Variants in KCNMA1 observed in about 807,000 individuals in gnomAD.
The protein encoded by KCNMA1 is potassium calcium-activated channel subfamily M alpha 1.
A neutral mutation model predicts 140.0 loss-of-function variants in KCNMA1; 29 were observed. The observed-to-expected ratio is 0.21, with a 90% CI of 0.15 to 0.28. The LOEUF (loss-of-function observed/expected upper bound fraction) is 0.28, where lower values mean the gene tolerates loss of function less well. Ranked by LOEUF, KCNMA1 falls within the 10% of genes least tolerant of loss-of-function variation. The pLI, the probability that KCNMA1 is intolerant of heterozygous loss-of-function variation, is 1.00. For missense variants in KCNMA1, 880 were observed against 1,602.2 expected (o/e 0.55, Z 7.70); for synonymous variants, 612 against 611.9 (o/e 1.00, Z 0.00).
At chr10:77,511,088 A>T (rs1306278260) in intron 1 of KCNMA1, among the ~76,000 whole-genome samples, 1 of 152,244 alleles carries the variant, frequency 6.6e-6, no homozygotes, top group Non-Finnish European at 1.5e-5. Context: ...GCTGCAGATC[A>T]GCAGTCTCAA....
intron 1 of KCNMA1, among the ~76,000 whole-genome samples, chr10:77,471,895 G>A (rs2098165025): frequency 6.7e-6 from 1 of 149,028 alleles, no homozygotes; most frequent in East Asian, 2.0e-4. Context: ...AAACATACAA[G>A]TGGTATACAC....
chr10:76,949,237 G>A lies in KCNMA1; in HGVS notation c.2614C>T (p.His872Tyr), dbSNP rs1303025586. ...ACAAACACAATGTGCTTGAGCTCAT[G>A]GTAATGAAAGTTGCTGGCACGGAGC... ...MPLRASNFHY[H>Y]ELKHIVFVGS... The change falls in exon 22 of 28, where the codon CAT becomes TAT. Residue 872 changes from histidine to tyrosine, a missense_variant. His to Tyr is a moderately conservative substitution (Grantham distance 83). Around this residue, in one of 13 missense-constraint regions of KCNMA1, gnomAD observed 82 missense variants for 170.1 expected, o/e 0.48. Transcript: ENST00000286628. The A allele has an allele frequency of 6.2e-7, 1 of 1,614,164 alleles. No individual in the cohort carries two copies. Among genetic ancestry groups the A allele is most frequent in the South Asian group, 1.1e-5 (1 of 91,080 alleles).
intron 1 of KCNMA1, among the ~76,000 whole-genome samples, chr10:77,518,308 G>A (rs2051347207): frequency 6.6e-6 from 1 of 152,150 alleles, no homozygotes; most frequent in Non-Finnish European, 1.5e-5. Flanking sequence ...GGTCTCAAAG[G>A]AGAGAGGATG....
chr10:77,474,513 C>T (rs1266587355), intron 1 of KCNMA1, among the ~76,000 whole-genome samples: 1 of 152,172 alleles, frequency 6.6e-6, no homozygotes, highest in Non-Finnish European at 1.5e-5. Context: ...AGACTTACAG[C>T]CTCTAGCAGG....
chr10:77,197,491 T>A (rs1446365788), intron 3 of KCNMA1, among the ~76,000 whole-genome samples: 4 of 152,310 alleles, frequency 2.6e-5, no homozygotes, highest in Admixed American at 2.0e-4. Context: ...TCTTTTCCAA[T>A]GTCCTAGTCT....
intron 19 of KCNMA1, among the ~76,000 whole-genome samples, chr10:76,991,816 C>T (rs1447495241): frequency 6.6e-6 from 1 of 152,174 alleles, no homozygotes; most frequent in Admixed American, 6.5e-5. Flanking sequence ...GGCTCCAGCC[C>T]AGAAAGCTGA....
At chr10:77,124,828 T>C (rs528054371) in intron 5 of KCNMA1, among the ~76,000 whole-genome samples, 70 of 152,332 alleles carry the variant, frequency 4.6e-4, no homozygotes, top group African/African-American at 1.6e-3. Context: ...TAGTCCGTTC[T>C]CACTCTGCTA....
At chr10:77,411,353 C>T (rs902449476) in intron 1 of KCNMA1, among the ~76,000 whole-genome samples, 1 of 152,142 alleles carries the variant, frequency 6.6e-6, no homozygotes, top group Non-Finnish European at 1.5e-5. Flanking sequence ...AAAGTCAGTT[C>T]TTACCATGCA....
At chr10:77,046,566 G>T (rs16934208) in intron 14 of KCNMA1, among the ~76,000 whole-genome samples, 1 of 152,242 alleles carries the variant, frequency 6.6e-6, no homozygotes, top group East Asian at 1.9e-4. Flanking sequence ...TGAATCTTGC[G>T]TTTTCTCATT....
chr10:76,889,468 G>A lies in KCNMA1; in HGVS notation c.3444C>T (p.Pro1148=), dbSNP rs147778573. The change falls in exon 27 of 28, where the codon CCC becomes CCT. Residue 1148 remains proline, a synonymous_variant. Transcript: ENST00000286628. ...YRLRDAHLST[P]SQCTKRYVIT... is the part of the protein sequence containing the mutation. ...ATACTCACCTCTTTGTGCACTGACT[G>A]GGGGTGCTGAGGTGAGCATCTCTCA... 3.7e-6 allele frequency: 6 copies of A among 1,611,136 alleles called. No individual in the cohort carries two copies. The African/African-American group carries it at 5.3e-5, about 14-fold the overall frequency.
intron 3 of KCNMA1, among the ~76,000 whole-genome samples, chr10:77,228,730 C>G (rs145387595): frequency 6.6e-6 from 1 of 151,936 alleles, no homozygotes; most frequent in Admixed American, 6.6e-5. Flanking sequence ...TAAACACTCT[C>G]CCGGCTACTG....
intron 1 of KCNMA1, among the ~76,000 whole-genome samples, chr10:77,413,357 C>A (rs886887866): frequency 6.6e-6 from 1 of 152,070 alleles, no homozygotes; most frequent in African/African-American, 2.4e-5. Flanking sequence ...CTGGGTCTTC[C>A]GTGTCCCCCC....
At chr10:77,373,465 C>T (rs1054234184) in intron 2 of KCNMA1, among the ~76,000 whole-genome samples, 1 of 152,158 alleles carries the variant, frequency 6.6e-6, no homozygotes, top group African/African-American at 2.4e-5. Flanking sequence ...GGTTGAACAT[C>T]TTACGGAGTT....
At chr10:76,918,693 G>A (rs768698909) in intron 23 of KCNMA1, among the ~76,000 whole-genome samples, 20 of 152,152 alleles carry the variant, frequency 1.3e-4, no homozygotes, top group Non-Finnish European at 2.1e-4. Flanking sequence ...ATTCCTCAAA[G>A]AACTAAAAGT....
chr10:77,534,931 T>C (rs1158541132), intron 1 of KCNMA1, among the ~76,000 whole-genome samples: 1 of 152,158 alleles, frequency 6.6e-6, no homozygotes, highest in Non-Finnish European at 1.5e-5. Context: ...CTCCAACTTA[T>C]ACCCTGCAAC....
chr10:77,570,944 T>C (rs966550379), intron 1 of KCNMA1, among the ~76,000 whole-genome samples: 1 of 132,130 alleles, frequency 7.6e-6, no homozygotes, highest in Non-Finnish European at 1.7e-5. Flanking sequence ...AAAAAAAAAA[T>C]ACTTTCTTTG....
intron 2 of KCNMA1, among the ~76,000 whole-genome samples, chr10:77,308,434 A>G (rs1170102615): frequency 6.6e-6 from 1 of 152,196 alleles, no homozygotes; most frequent in Non-Finnish European, 1.5e-5. Flanking sequence ...CTCACTCACT[A>G]TGGAGGGAAA....
intron 3 of KCNMA1, among the ~76,000 whole-genome samples, chr10:77,238,925 T>C (rs1015534778): frequency 6.6e-6 from 1 of 152,194 alleles, no homozygotes; most frequent in Non-Finnish European, 1.5e-5. Flanking sequence ...GTAATATACA[T>C]ACATTGCCTT....
At chr10:77,617,032 G>A (rs1012365088) in intron 1 of KCNMA1, among the ~76,000 whole-genome samples, 1 of 152,178 alleles carries the variant, frequency 6.6e-6, no homozygotes, top group African/African-American at 2.4e-5. Flanking sequence ...GAGAGACGTT[G>A]CTCATTGAGA....
Sources: gnomAD v4.1 joint callset for allele counts (sites outside exome capture counted in the v4.1 genomes callset) on GRCh38, gnomAD v4.1.1 for gene constraint, gnomAD v4.1.1 regional missense constraint, MANE v1.5 for transcripts, NCBI Gene and HGNC (gene_info 2026-07-23, HGNC 2026-07-21) for gene names.